METAP1D: variants seen among roughly 807,000 people sequenced by gnomAD.
METAP1D encodes the protein methionine aminopeptidase 1D, mitochondrial.
In METAP1D, 31 loss-of-function variants were observed where a neutral mutation model predicts 40.5. The ratio of observed to expected loss-of-function variants is 0.77; its 90% CI spans 0.58 to 1.03. The LOEUF (loss-of-function observed/expected upper bound fraction) is 1.03, where lower values mean the gene tolerates loss of function less well. Ranked by LOEUF, METAP1D falls within the 50% of genes least tolerant of loss-of-function variation. The probability of loss-of-function intolerance (pLI) is 0.00; values close to 1 mark genes in which losing one functional copy is unlikely to be tolerated. For synonymous variants in METAP1D, 151 were observed against 146.4 expected, an observed-to-expected ratio of 1.03 and a Z score of -0.22; for missense variants, 411 against 420.7, an observed-to-expected ratio of 0.98 and a Z score of 0.20.
intron 1 of METAP1D, among the ~76,000 whole-genome samples, chr2:172,047,734 C>T (rs926498740): frequency 6.6e-6 from 1 of 152,156 alleles, no homozygotes; most frequent in African/African-American, 2.4e-5. Flanking sequence ...TGCGCTCAGC[C>T]AAAATAGCAG....
chr2:172,015,650 T>C (rs1688836664), intron 1 of METAP1D, among the ~76,000 whole-genome samples: 1 of 151,918 alleles, frequency 6.6e-6, no homozygotes, highest in South Asian at 2.1e-4. Context: ...CACACTGCAG[T>C]CAAGTGACCT....
chr2:172,079,323 C>T lies in METAP1D; in HGVS notation c.850+61C>T. ...TCCTGGTGGAAGCTTTTGCCACTGG[C>T]CTAGGCCCGGCAGTCCGGTGAAGGA... On this transcript the variant is annotated intron_variant, in intron 8 of 9. Coordinates refer to ENST00000315796, the MANE Select transcript of METAP1D (RefSeq NM_199227.3). 3 of 1,539,232 alleles carry T rather than the reference C, an allele frequency of 1.9e-6. No homozygotes were observed. In the South Asian group the frequency reaches 3.3e-5, roughly 17 times the overall value.
At chr2:172,054,186 AAT>A (rs918873733) in intron 1 of METAP1D, among the ~76,000 whole-genome samples, 4 of 152,150 alleles carry the variant, frequency 2.6e-5, no homozygotes, top group African/African-American at 9.7e-5. Flanking sequence ...GAGGCCAATA[AAT>A]ATAGGGCATG....
intron 1 of METAP1D, among the ~76,000 whole-genome samples, chr2:172,005,939 G>A (rs149495590): frequency 4.0e-5 from 6 of 151,684 alleles, no homozygotes; most frequent in East Asian, 1.9e-4. Flanking sequence ...ATACTACAGG[G>A]CATATAGACC....
Position 172,031,830 on chromosome 2 carries a change from C to T in METAP1D, c.41-29668C>T, listed in dbSNP as rs948827057. The stretch of plus-strand genomic sequence containing the variant: ...ATTCGAATCCCAAAATAAAGCCCTA[C>T]GTCGTTGACTTTTCAGCCATGGGAA... On this transcript the variant is annotated intron_variant, in intron 1 of 9. Transcript: ENST00000315796. Among the ~76,000 whole-genome samples the T allele has an allele frequency of 3.3e-5, 5 of 152,318 alleles. No individual in the cohort carries two copies. The South Asian group carries it at 6.2e-4, about 19-fold the overall frequency.
chr2:172,024,759 TG>T (rs1689087652), intron 1 of METAP1D, among the ~76,000 whole-genome samples: 4 of 91,838 alleles, frequency 4.4e-5, no homozygotes, highest in Non-Finnish European at 8.2e-5. Flanking sequence ...TGTGTGTGTG[TG>T]TGTGTGTGTG....
chr2:172,008,005 A>C (rs1050194163), intron 1 of METAP1D, among the ~76,000 whole-genome samples: 2 of 149,914 alleles, frequency 1.3e-5, no homozygotes, highest in African/African-American at 2.4e-5. Context: ...TATTTTTTTT[A>C]ATCTATAAGT....
chr2:172,080,268 G>A (rs1690669631), intron 9 of METAP1D, 60 bp from the exon 10 acceptor site: 1 of 1,613,688 alleles, frequency 6.2e-7, no homozygotes, highest in Non-Finnish European at 8.5e-7. Context: ...GTCCGACGGC[G>A]CGCTTGTGGC....
intron 1 of METAP1D, among the ~76,000 whole-genome samples, chr2:172,057,199 T>G (rs1175951028): frequency 6.6e-6 from 1 of 152,198 alleles, no homozygotes; most frequent in African/African-American, 2.4e-5. Context: ...GCTACCTGCC[T>G]AATGACAGAG....
At chr2:172,026,935 G>C (rs1689131461) in intron 1 of METAP1D, among the ~76,000 whole-genome samples, 1 of 152,070 alleles carries the variant, frequency 6.6e-6, no homozygotes, top group Non-Finnish European at 1.5e-5. Flanking sequence ...TCTGGGTCAG[G>C]AGCAGACAAT....
chr2:172,034,573 T>A (rs2105420670), intron 1 of METAP1D, among the ~76,000 whole-genome samples: 1 of 152,324 alleles, frequency 6.6e-6, no homozygotes, highest in East Asian at 1.9e-4. Flanking sequence ...AACTGTTTTA[T>A]TATTATGAAG....
At position 172,079,087 on chromosome 2, in the gene METAP1D, C is replaced by T. The variant is rs963058649; in HGVS notation, c.803-128C>T. ...TATCCAGGACTCCAGAAATCTCCAC[C>T]CTTCCTTCTCTAAAAGAAGAGAAAT... On this transcript the variant is annotated intron_variant, in intron 7 of 9. Transcript: ENST00000315796. The T allele has an allele frequency of 3.0e-5, 27 of 889,290 alleles. 1 individual carries two copies. The African/African-American group carries it at 4.2e-4, about 14-fold the overall frequency. The allele number at this position is 889,290 out of a possible 1,614,324, so 55.1% of individuals were successfully genotyped here.
chr2:172,049,317 A>G (rs1689833608), intron 1 of METAP1D, among the ~76,000 whole-genome samples: 1 of 151,236 alleles, frequency 6.6e-6, no homozygotes. Context: ...AGATAGTTGA[A>G]CATTCATATC....
In METAP1D at chr2:172,077,421, G is replaced by A. The variant is rs56923699; in HGVS notation, c.705-376G>A. Among the ~76,000 whole-genome samples, 4,228 of 152,234 alleles carry A rather than the reference G, an allele frequency of 0.028. 593 individuals carry two copies. In the East Asian group the frequency reaches 0.45, roughly 16 times the overall value. ...AGTCTTTTTGTGAAACCTCAAAAAA[G>A]CCAGGCAGGTTTTTATGACCTGCAT... On this transcript the variant is annotated intron_variant, in intron 6 of 9. Transcript: ENST00000315796.
chr2:172,020,358 A>G (rs913911021), intron 1 of METAP1D, among the ~76,000 whole-genome samples: 14 of 152,232 alleles, frequency 9.2e-5, no homozygotes, highest in Non-Finnish European at 2.1e-4. Context: ...CCTGCAATTT[A>G]ACTGGTATTG....
In METAP1D at chr2:172,063,787, A is replaced by G. The variant is rs775801978; in HGVS notation, c.275A>G (p.Asp92Gly). The G allele has an allele frequency of 1.2e-6, 2 of 1,614,128 alleles. No individual in the cohort carries two copies. Among genetic ancestry groups the G allele is most frequent in the Non-Finnish European group, 1.7e-6 (2 of 1,180,018 alleles). The change falls in exon 3 of 10, where the codon GAT (aspartate) becomes GGT (glycine). Residue 92 changes from aspartate to glycine, a missense_variant. Transcript: ENST00000315796. ...GACAGCATAGAAGTTAAGAATGAAGATCAGATTCAAGGGCTTCATCAGGCT... is the reference window on the plus strand; with the variant it reads ...GACAGCATAGAAGTTAAGAATGAAGGTCAGATTCAAGGGCTTCATCAGGCT... ...WGDSIEVKNEDQIQGLHQACQ... is the reference protein window; with the variant it reads ...WGDSIEVKNEGQIQGLHQACQ...
chr2:172,012,097 T>C (rs1349533094), intron 1 of METAP1D, among the ~76,000 whole-genome samples: 1 of 152,250 alleles, frequency 6.6e-6, no homozygotes, highest in Non-Finnish European at 1.5e-5. Context: ...ATTCTGGACG[T>C]GGGGTCCCAC....
chr2:172,015,245 C>T (rs1688828958), intron 1 of METAP1D, among the ~76,000 whole-genome samples: 1 of 152,060 alleles, frequency 6.6e-6, no homozygotes, highest in African/African-American at 2.4e-5. Context: ...AACCTCGTCT[C>T]TGCTAAAAGT....
rs145919225 is a variant in METAP1D at position 172,033,959 on chromosome 2, C to T, written c.41-27539C>T. ...GGCAGTGGTGGTGCGTGCCTGTAAT[C>T]CCGGCTACTCGGGAGGCTGAGGTAG... On this transcript the variant is annotated intron_variant, in intron 1 of 9. Coordinates refer to ENST00000315796, the MANE Select transcript of METAP1D (RefSeq NM_199227.3). Among the ~76,000 whole-genome samples, 47 of 151,758 alleles carry T rather than the reference C, an allele frequency of 3.1e-4. 2 individuals are homozygous for T. Among genetic ancestry groups the T allele is most frequent in the African/African-American group, 1.1e-3 (47 of 41,354 alleles).
Sources: allele counts gnomAD v4.1 joint callset (sites outside exome capture counted in the v4.1 genomes callset), GRCh38; gene constraint gnomAD v4.1.1; transcripts MANE v1.5; gene names NCBI Gene and HGNC (gene_info 2026-07-23, HGNC 2026-07-21).